The following GREB1L variants were observed in gnomAD, a reference collection of about 807,000 sequenced individuals.
GREB1L encodes GREB1-like protein.
A neutral mutation model predicts 200.8 loss-of-function variants in GREB1L; 17 were observed. That is an observed-to-expected ratio of 0.08 (90% CI 0.06 to 0.13). GREB1L has a LOEUF of 0.13. GREB1L is among the 10% of genes least tolerant of loss of function. The probability of loss-of-function intolerance (pLI) is 1.00; values close to 1 mark genes in which losing one functional copy is unlikely to be tolerated. For missense variants in GREB1L, 1,657 were observed against 2,367.7 expected, an observed-to-expected ratio of 0.70 and a Z score of 6.23; for synonymous variants, 789 against 893.0, an observed-to-expected ratio of 0.88 and a Z score of 2.08.
At chr18:21,460,765 C>T (rs1231792648) in intron 15 of GREB1L, among the ~76,000 whole-genome samples, 1 of 151,974 alleles carries the variant, frequency 6.6e-6, no homozygotes, top group East Asian at 1.9e-4. Flanking sequence ...CCATGCTACC[C>T]CACCCAAAGA....
chr18:21,278,396 ATAAAT>A (rs1253591591), intron 1 of GREB1L, among the ~76,000 whole-genome samples: 1 of 125,444 alleles, frequency 8.0e-6, no homozygotes, highest in Admixed American at 7.7e-5. Flanking sequence ...AAAAAAATAA[ATAAAT>A]AAATAAATAA....
chr18:21,262,591 G>A (rs2037906412), intron 1 of GREB1L, among the ~76,000 whole-genome samples: 1 of 152,140 alleles, frequency 6.6e-6, no homozygotes, highest in Non-Finnish European at 1.5e-5. Flanking sequence ...GTTTAAGACA[G>A]ATATTTTGTA....
intron 7 of GREB1L, among the ~76,000 whole-genome samples, chr18:21,431,384 G>T (rs1262807910): frequency 1.3e-5 from 2 of 152,054 alleles, no homozygotes; most frequent in Non-Finnish European, 2.9e-5. Flanking sequence ...TGATCCATTG[G>T]TTATTTAGGA....
At chr18:21,515,676 T>C in intron 29 of GREB1L, 32 bp downstream of exon 29, 1 of 1,436,220 alleles carries the variant, frequency 7.0e-7, no homozygotes, top group African/African-American at 1.4e-5. Context: ...CAGGTAATCC[T>C]GGCATCTACT....
At chr18:21,410,744 A>AG (rs1462132422) in intron 7 of GREB1L, among the ~76,000 whole-genome samples, 2 of 151,836 alleles carry the variant, frequency 1.3e-5, no homozygotes, top group East Asian at 3.9e-4. Context: ...TAAAAAAAAA[A>AG]GCCATAAATT....
chr18:21,390,973 A>G (rs1598743928), intron 4 of GREB1L, among the ~76,000 whole-genome samples: 2 of 152,244 alleles, frequency 1.3e-5, no homozygotes, highest in Non-Finnish European at 2.9e-5. Flanking sequence ...TTTATTATGA[A>G]TCAGAAGGTT....
At chr18:21,501,005 T>A (rs2036765884) in intron 23 of GREB1L, among the ~76,000 whole-genome samples, 1 of 149,480 alleles carries the variant, frequency 6.7e-6, no homozygotes, top group South Asian at 2.1e-4. Context: ...GGAGGCGGGT[T>A]GCAGTGAGCC....
chr18:21,433,339 AATATAAG>A (rs2145131155), intron 7 of GREB1L, among the ~76,000 whole-genome samples: 1 of 152,328 alleles, frequency 6.6e-6, no homozygotes, highest in African/African-American at 2.4e-5. Context: ...TTGTTTTAAA[AATATAAG>A]ATGAATTATC....
At chr18:21,379,989 G>A (rs1208537845) in intron 2 of GREB1L, among the ~76,000 whole-genome samples, 11 of 151,976 alleles carry the variant, frequency 7.2e-5, no homozygotes, top group Admixed American at 2.0e-4. Context: ...TTGTAATTGG[G>A]TATTGTACAT....
intron 11 of GREB1L, among the ~76,000 whole-genome samples, chr18:21,447,298 T>G (rs773165663): frequency 1.8e-4 from 27 of 151,934 alleles, no homozygotes; most frequent in Non-Finnish European, 2.9e-4. Flanking sequence ...TTAAAAAAAT[T>G]TAAAAAAAAA....
At chr18:21,469,430 A>C (rs1209544360) in intron 15 of GREB1L, among the ~76,000 whole-genome samples, 1 of 152,084 alleles carries the variant, frequency 6.6e-6, no homozygotes, top group Non-Finnish European at 1.5e-5. Context: ...ATTATCATCC[A>C]TTTTCACATA....
intron 1 of GREB1L, among the ~76,000 whole-genome samples, chr18:21,261,003 T>G (rs2037881565): frequency 6.6e-6 from 1 of 151,976 alleles, no homozygotes; most frequent in Non-Finnish European, 1.5e-5. Context: ...TGAGTATTAT[T>G]TTTTAGTTCT....
chr18:21,465,500 A>C lies in GREB1L; in HGVS notation c.2183-7531A>C, dbSNP rs2035229951. 2.6e-5 allele frequency among the ~76,000 whole-genome samples: 4 copies of C among 152,180 alleles called. No individual in the cohort carries two copies. The South Asian group carries it at 6.2e-4, about 24-fold the overall frequency. On this transcript the variant is annotated intron_variant, in intron 15 of 32. Transcript: ENST00000424526. ...ATTATGATATACGTTACTTATTTCC[A>C]AATTATTTAGCAAAAACACAACAAT...
In GREB1L at chr18:21,248,879, C is replaced by A. The variant is rs562869310; in HGVS notation, c.-120+6486C>A. Among the ~76,000 whole-genome samples, 22 of 152,220 alleles carry A rather than the reference C, an allele frequency of 1.4e-4. No individual in the cohort carries two copies. The East Asian group carries it at 4.1e-3, about 28-fold the overall frequency. ...CATGTTGGACTGTGTAGATATAGAA[C>A]ATTTCCATCACTGGAGAAAGTTCTG... On this transcript the variant is annotated intron_variant, in intron 1 of 32. Coordinates refer to ENST00000424526, the MANE Select transcript of GREB1L (RefSeq NM_001142966.3).
intron 7 of GREB1L, among the ~76,000 whole-genome samples, chr18:21,410,190 C>T (rs1292428895): frequency 6.6e-6 from 1 of 152,006 alleles, no homozygotes; most frequent in Non-Finnish European, 1.5e-5. Context: ...GCCTCCTAAG[C>T]TCTGCCCCTG....
Position 21,242,342 on chromosome 18 carries a change from C to T in GREB1L, c.-171C>T, listed in dbSNP as rs1187441649. The T allele has an allele frequency of 6.6e-6, 1 of 152,060 alleles. No homozygotes were observed. The highest frequency in any genetic ancestry group is 2.4e-5 in the African/African-American group (1 of 41,406). 9.4% of individuals were successfully genotyped at this position (152,060 alleles called of 1,614,324 possible). ...CTGGGGGTGGGGAGACCAGCCCGGC[C>T]GAGCCGAGGGCCACCCCCTGGTCCT... On this transcript the variant is annotated 5_prime_UTR_variant, in exon 1 of 33. Transcript: ENST00000424526.
intron 7 of GREB1L, among the ~76,000 whole-genome samples, chr18:21,432,691 A>ATTTTCTTTT (rs2033249508): frequency 9.3e-6 from 1 of 107,052 alleles, no homozygotes; most frequent in Non-Finnish European, 1.9e-5. Flanking sequence ...ATTATTTAAC[A>ATTTTCTTTT]TTTTCTTTTT....
chr18:21,299,145 G>A (rs2038576760), intron 1 of GREB1L, among the ~76,000 whole-genome samples: 2 of 151,980 alleles, frequency 1.3e-5, no homozygotes, highest in Middle Eastern at 3.4e-3. Context: ...AGGCATGGTG[G>A]CAGGTGCCTG....
chr18:21,503,798 G>A (rs1169783011), intron 23 of GREB1L, among the ~76,000 whole-genome samples: 1 of 145,410 alleles, frequency 6.9e-6, no homozygotes, highest in East Asian at 2.1e-4. Context: ...GACTGGTCTC[G>A]AACTCCTAGC....
Sources: allele counts gnomAD v4.1 joint callset (sites outside exome capture counted in the v4.1 genomes callset), GRCh38; gene constraint gnomAD v4.1.1; transcripts MANE v1.5; gene names NCBI Gene and HGNC (gene_info 2026-07-23, HGNC 2026-07-21).